RAB6A: variants seen among roughly 807,000 people sequenced by gnomAD.
The protein encoded by RAB6A is RAB6A, member RAS oncogene family.
Under a neutral mutation model 32.3 loss-of-function variants are expected in RAB6A, and 8 were observed. That is an observed-to-expected ratio of 0.25 (90% CI 0.15 to 0.45). The LOEUF (loss-of-function observed/expected upper bound fraction) is 0.45. RAB6A is among the 20% of genes least tolerant of loss of function. RAB6A has a pLI of 1.00. For synonymous variants in RAB6A, 73 were observed against 82.1 expected (o/e 0.89, Z 0.60); for missense variants, 104 against 249.4 (o/e 0.42, Z 3.93).
chr11:73,695,382 T>TG (rs1945640283), intron 6 of RAB6A, among the ~76,000 whole-genome samples: 1 of 151,432 alleles, frequency 6.6e-6, no homozygotes, highest in Admixed American at 6.6e-5. Context: ...TTTTTTTGTT[T>TG]TTTTTTTTCT....
chr11:73,739,746 T>C (rs1341413851), intron 1 of RAB6A, among the ~76,000 whole-genome samples: 1 of 152,050 alleles, frequency 6.6e-6, no homozygotes, highest in Non-Finnish European at 1.5e-5. Context: ...AATCTAAGAC[T>C]GGTATTTGCA....
At chr11:73,756,483 G>T (rs1723837) in intron 1 of RAB6A, among the ~76,000 whole-genome samples, 2,762 of 152,270 alleles carry the variant, frequency 0.018, 175 homozygotes, top group East Asian at 0.18. Flanking sequence ...AAAAACAGTA[G>T]TAGGCTGAGT....
At chr11:73,692,821 C>G (rs1225120469) in intron 6 of RAB6A, among the ~76,000 whole-genome samples, 77 of 135,400 alleles carry the variant, frequency 5.7e-4, no homozygotes, top group Non-Finnish European at 1.0e-3. Flanking sequence ...ATTAGCCGGG[C>G]GTGTTGGCAG....
chr11:73,706,382 CA>C (rs1015878164), intron 6 of RAB6A, among the ~76,000 whole-genome samples: 16 of 152,102 alleles, frequency 1.1e-4, no homozygotes, highest in Non-Finnish European at 1.5e-4. Context: ...AGGCGTGATG[CA>C]GGCACCTGTA....
intron 1 of RAB6A, among the ~76,000 whole-genome samples, chr11:73,752,015 T>C (rs1464213598): frequency 6.6e-6 from 1 of 152,142 alleles, no homozygotes; most frequent in Non-Finnish European, 1.5e-5. Flanking sequence ...ACTAGTTTTT[T>C]GAGGACCACA....
intron 6 of RAB6A, among the ~76,000 whole-genome samples, chr11:73,681,209 C>G (rs1945350941): frequency 6.6e-6 from 1 of 152,084 alleles, no homozygotes. Context: ...ATTCAAGGAG[C>G]TCAAAATCTG....
At chr11:73,754,063 T>C (rs1435654952) in intron 1 of RAB6A, among the ~76,000 whole-genome samples, 1 of 152,224 alleles carries the variant, frequency 6.6e-6, no homozygotes, top group Non-Finnish European at 1.5e-5. Context: ...GATAGGTCTA[T>C]TATCTTTATG....
At chr11:73,733,894 T>C (rs1946354480) in intron 1 of RAB6A, among the ~76,000 whole-genome samples, 1 of 152,164 alleles carries the variant, frequency 6.6e-6, no homozygotes. Context: ...CAACAAGCCA[T>C]ATATTTAAGA....
intron 6 of RAB6A, among the ~76,000 whole-genome samples, chr11:73,691,986 G>T (rs1945573876): frequency 1.3e-5 from 2 of 151,590 alleles, no homozygotes; most frequent in African/African-American, 4.9e-5. Context: ...AAAAAAAAAA[G>T]AAAGCAAAAA....
At chr11:73,720,431 C>T (rs1336000665) in intron 3 of RAB6A, among the ~76,000 whole-genome samples, 1 of 152,100 alleles carries the variant, frequency 6.6e-6, no homozygotes, top group Non-Finnish European at 1.5e-5. Context: ...ATCCACCTGC[C>T]TCAGCCTCCC....
intron 6 of RAB6A, among the ~76,000 whole-genome samples, chr11:73,705,625 C>T (rs1945826539): frequency 6.6e-6 from 1 of 152,066 alleles, no homozygotes; most frequent in African/African-American, 2.4e-5. Context: ...CTACCCACTG[C>T]TTTGTCTTAG....
At chr11:73,753,628 A>G (rs1590895263) in intron 1 of RAB6A, among the ~76,000 whole-genome samples, 2 of 151,820 alleles carry the variant, frequency 1.3e-5, no homozygotes, top group South Asian at 2.1e-4. Flanking sequence ...GGAGAATGGC[A>G]TGAACCCGGG....
At chr11:73,706,395 T>G (rs1343537681) in intron 6 of RAB6A, among the ~76,000 whole-genome samples, 1 of 151,834 alleles carries the variant, frequency 6.6e-6, no homozygotes, top group Non-Finnish European at 1.5e-5. Flanking sequence ...GCACCTGTAG[T>G]CCCAGCTACT....
At chr11:73,714,209 A>ATATAT (rs1555059762) in intron 5 of RAB6A, among the ~76,000 whole-genome samples, 40 of 57,564 alleles carry the variant, frequency 6.9e-4, no homozygotes, top group Middle Eastern at 8.3e-3. Context: ...AAAAAAAAAA[A>ATATAT]ATATATATAT....
chr11:73,731,047 A>G (rs1349912060), intron 1 of RAB6A, among the ~76,000 whole-genome samples: 2 of 152,234 alleles, frequency 1.3e-5, no homozygotes, highest in Non-Finnish European at 2.9e-5. Flanking sequence ...CTATAGTTAA[A>G]AGTTGAAAAC....
At chr11:73,739,304 T>TATATATAA (rs375733945) in intron 1 of RAB6A, among the ~76,000 whole-genome samples, 319 of 31,694 alleles carry the variant, frequency 0.01, 34 homozygotes, top group Non-Finnish European at 0.018. Context: ...TATATATATA[T>TATATATAA]AAATACTGGA....
At chr11:73,696,034 G>C (rs1372600853) in intron 6 of RAB6A, among the ~76,000 whole-genome samples, 1 of 152,126 alleles carries the variant, frequency 6.6e-6, no homozygotes, top group Non-Finnish European at 1.5e-5. Flanking sequence ...AGTTAACTAA[G>C]TAGTTTATAG....
At chr11:73,688,080 C>T (rs762882206) in intron 6 of RAB6A, among the ~76,000 whole-genome samples, 1 of 152,156 alleles carries the variant, frequency 6.6e-6, no homozygotes, top group Non-Finnish European at 1.5e-5. Context: ...TAAGGTAGAG[C>T]TGGTCAAGTT....
chr11:73,687,099 A>G (rs10898936), intron 6 of RAB6A, among the ~76,000 whole-genome samples: 73,006 of 151,632 alleles, frequency 0.48, 18,896 homozygotes, highest in East Asian at 0.6. Flanking sequence ...TCTTGAGGAC[A>G]TTATGCAAGT....
Sources: gnomAD v4.1 joint callset for allele counts (sites outside exome capture counted in the v4.1 genomes callset) on GRCh38, gnomAD v4.1.1 for gene constraint, MANE v1.5 for transcripts, NCBI Gene and HGNC (gene_info 2026-07-23, HGNC 2026-07-21) for gene names.